CCSER1: variants seen among roughly 807,000 people sequenced by gnomAD.
CCSER1 encodes coiled-coil serine rich protein 1.
CCSER1 carries 41 observed loss-of-function variants against 82.0 expected under a neutral mutation model. The observed-to-expected ratio is 0.50, with a 90% CI of 0.39 to 0.65. CCSER1 has a LOEUF of 0.65. CCSER1 is among the 30% of genes least tolerant of loss of function. The pLI is 0.00. For missense variants in CCSER1, 1,119 were observed against 1,064.2 expected (o/e 1.05, Z -0.72); for synonymous variants, 414 against 383.9 (o/e 1.08, Z -0.92).
chr4:91,071,641 TTGAG>T (rs1294458262), intron 9 of CCSER1, among the ~76,000 whole-genome samples: 7 of 152,196 alleles, frequency 4.6e-5, no homozygotes, highest in East Asian at 1.9e-4. Flanking sequence ...TTTTACCTAT[TTGAG>T]TGCATTCTCT....
At chr4:90,215,655 T>G (rs1226508476) in intron 1 of CCSER1, among the ~76,000 whole-genome samples, 2 of 152,202 alleles carry the variant, frequency 1.3e-5, no homozygotes, top group African/African-American at 4.8e-5. Flanking sequence ...AGTGATCAAA[T>G]GTGGGTCAAA....
intron 10 of CCSER1, among the ~76,000 whole-genome samples, chr4:91,338,334 G>T (rs1534556): frequency 1.3e-5 from 2 of 151,950 alleles, no homozygotes; most frequent in African/African-American, 4.8e-5. Flanking sequence ...GCAACATACC[G>T]TGTAAATCAT....
At chr4:90,393,789 T>G (rs2153540304) in intron 3 of CCSER1, among the ~76,000 whole-genome samples, 1 of 147,896 alleles carries the variant, frequency 6.8e-6, no homozygotes, top group South Asian at 2.2e-4. Flanking sequence ...TTTTTTTTTT[T>G]TTTTTGGGAC....
intron 5 of CCSER1, among the ~76,000 whole-genome samples, chr4:90,585,190 C>T (rs1008710904): frequency 1.3e-5 from 2 of 152,078 alleles, no homozygotes; most frequent in Admixed American, 1.3e-4. Flanking sequence ...TACTATGAAG[C>T]CATTAAAATA....
intron 10 of CCSER1, among the ~76,000 whole-genome samples, chr4:91,388,828 TG>T (rs1476731392): frequency 6.6e-6 from 1 of 152,060 alleles, no homozygotes; most frequent in East Asian, 1.9e-4. Flanking sequence ...TTGGTTATTC[TG>T]GGTCTTTTGT....
At chr4:91,467,229 T>C (rs1283415348) in intron 10 of CCSER1, among the ~76,000 whole-genome samples, 1 of 152,040 alleles carries the variant, frequency 6.6e-6, no homozygotes, top group Non-Finnish European at 1.5e-5. Flanking sequence ...TTGACAAACC[T>C]GACAAAAACA....
chr4:91,503,526 A>G (rs1383346273), intron 10 of CCSER1, among the ~76,000 whole-genome samples: 2 of 152,168 alleles, frequency 1.3e-5, no homozygotes, highest in African/African-American at 4.8e-5. Context: ...TGATGAATTT[A>G]AAGCATGGTA....
At chr4:91,084,193 A>T (rs1032877018) in intron 9 of CCSER1, among the ~76,000 whole-genome samples, 2 of 152,002 alleles carry the variant, frequency 1.3e-5, no homozygotes, top group South Asian at 4.2e-4. Context: ...GTGCCTCCCA[A>T]AGTGTAGAGA....
At chr4:90,642,733 T>G (rs1356731999) in intron 6 of CCSER1, among the ~76,000 whole-genome samples, 1 of 152,144 alleles carries the variant, frequency 6.6e-6, no homozygotes, top group Non-Finnish European at 1.5e-5. Flanking sequence ...GCTACGCCTG[T>G]AGTCCCAGCT....
intron 7 of CCSER1, among the ~76,000 whole-genome samples, chr4:90,763,209 C>T (rs1750665798): frequency 6.6e-6 from 1 of 151,824 alleles, no homozygotes; most frequent in African/African-American, 2.4e-5. Flanking sequence ...GCTAGGGAAC[C>T]CACTACCAGA....
intron 10 of CCSER1, among the ~76,000 whole-genome samples, chr4:91,356,867 A>T (rs1748870723): frequency 1.3e-5 from 2 of 152,166 alleles, no homozygotes; most frequent in African/African-American, 2.4e-5. Flanking sequence ...AGAGCTTGGC[A>T]TGACTTATTA....
At chr4:90,806,866 C>CT (rs11412984) in intron 7 of CCSER1, among the ~76,000 whole-genome samples, 40,741 of 146,552 alleles carry the variant, frequency 0.28, 5,957 homozygotes, top group African/African-American at 0.4. Flanking sequence ...GAATCCTCTT[C>CT]TTTTTTTTTT....
intron 10 of CCSER1, among the ~76,000 whole-genome samples, chr4:91,553,332 T>C (rs1762248471): frequency 6.6e-6 from 1 of 151,518 alleles, no homozygotes; most frequent in Admixed American, 6.6e-5. Context: ...GCATCTATGT[T>C]CATCAAGGTT....
chr4:91,203,238 G>A (rs1264490053), intron 10 of CCSER1, among the ~76,000 whole-genome samples: 1 of 151,842 alleles, frequency 6.6e-6, no homozygotes, highest in African/African-American at 2.4e-5. Flanking sequence ...CCATTTCTCT[G>A]ATGGCCAGTG....
chr4:90,881,884 A>C (rs974342690), intron 8 of CCSER1, among the ~76,000 whole-genome samples: 2 of 150,728 alleles, frequency 1.3e-5, no homozygotes, highest in African/African-American at 4.8e-5. Context: ...AATTCAACTC[A>C]CTGCAGCTGA....
At chr4:90,380,094 C>A (rs1033338954) in intron 3 of CCSER1, among the ~76,000 whole-genome samples, 3 of 152,138 alleles carry the variant, frequency 2.0e-5, no homozygotes, top group Non-Finnish European at 2.9e-5. Context: ...ACCCTACCTC[C>A]AGCATTTGGG....
At chr4:90,397,597 T>G (rs1054019389) in intron 3 of CCSER1, among the ~76,000 whole-genome samples, 1 of 152,202 alleles carries the variant, frequency 6.6e-6, no homozygotes, top group Non-Finnish European at 1.5e-5. Context: ...CCATAGCCCC[T>G]GTGATGACAG....
At chr4:90,630,729 A>T (rs1724217496) in intron 6 of CCSER1, among the ~76,000 whole-genome samples, 1 of 151,904 alleles carries the variant, frequency 6.6e-6, no homozygotes, top group East Asian at 1.9e-4. Context: ...GGAAGTTTTA[A>T]ACTTCCATTC....
chr4:91,437,015 TATTTGCCTG>T (rs1560669477), intron 10 of CCSER1, among the ~76,000 whole-genome samples: 3 of 152,222 alleles, frequency 2.0e-5, no homozygotes. Context: ...GCTGAGATCA[TATTTGCCTG>T]CTAAGTCAGG....
Sources: allele counts gnomAD v4.1 joint callset (sites outside exome capture counted in the v4.1 genomes callset), GRCh38; gene constraint gnomAD v4.1.1; transcripts MANE v1.5; gene names NCBI Gene and HGNC (gene_info 2026-07-23, HGNC 2026-07-21).